The following UBAC2 variants were observed in gnomAD, a reference collection of about 807,000 sequenced individuals.
UBAC2 encodes the protein UBA domain containing 2.
A neutral mutation model predicts 44.0 loss-of-function variants in UBAC2; 26 were observed. That is an observed-to-expected ratio of 0.59 (90% CI 0.43 to 0.82). The LOEUF is 0.82. UBAC2 is among the 40% of genes least tolerant of loss of function. The pLI is 0.00. For synonymous variants in UBAC2, 155 were observed against 154.3 expected (o/e 1.00, Z -0.04); for missense variants, 329 against 419.4 (o/e 0.78, Z 1.88).
At chr13:99,383,660 A>G (rs958098154) in intron 8 of UBAC2, among the ~76,000 whole-genome samples, 6 of 152,270 alleles carry the variant, frequency 3.9e-5, no homozygotes, top group African/African-American at 1.4e-4. Context: ...GGTTGAAAGC[A>G]ACGTTCCGGG....
chr13:99,233,643 C>T lies in UBAC2; in HGVS notation c.32-4784C>T, dbSNP rs578095377. Among the ~76,000 whole-genome samples, 4 of 152,198 alleles carry T rather than the reference C, an allele frequency of 2.6e-5. No homozygotes were observed. In the South Asian group the frequency reaches 8.3e-4, roughly 32 times the overall value. ...GGAAAAAGAATGCAACTGATTGTGA[C>T]ACATTGACTAAGTAAAAATCCATGA... On this transcript the variant is annotated intron_variant, in intron 1 of 8. Transcript: ENST00000403766.
At chr13:99,240,590 C>A (rs2043287824) in intron 2 of UBAC2, among the ~76,000 whole-genome samples, 2 of 152,300 alleles carry the variant, frequency 1.3e-5, no homozygotes, top group Admixed American at 6.5e-5. Context: ...CAGTCATCAT[C>A]ATCGGACATT....
intron 1 of UBAC2, among the ~76,000 whole-genome samples, chr13:99,235,083 C>G (rs139537759): frequency 3.1e-4 from 47 of 152,226 alleles, no homozygotes; most frequent in Admixed American, 5.2e-4. Context: ...AGAGGTCACA[C>G]TAGTCTCTCC....
intron 4 of UBAC2, chr13:99,308,749 A>G (rs550276886): frequency 3.3e-5 from 5 of 152,378 alleles, no homozygotes; most frequent in African/African-American, 1.2e-4. Context: ...GACACAAGAA[A>G]GAGCATCAAG....
At chr13:99,364,457 T>C (rs569931688) in intron 7 of UBAC2, among the ~76,000 whole-genome samples, 155 of 151,766 alleles carry the variant, frequency 1.0e-3, no homozygotes, top group South Asian at 5.0e-3. Context: ...ATTAACTATA[T>C]ATTGTATAAT....
In UBAC2 at chr13:99,226,083, A is replaced by T. The variant is rs138864766; in HGVS notation, c.32-12344A>T. Among the ~76,000 whole-genome samples the T allele has an allele frequency of 4.5e-4, 69 of 152,294 alleles. 1 individual carries two copies. In the East Asian group the frequency reaches 0.01, roughly 23 times the overall value. On this transcript the variant is annotated intron_variant, in intron 1 of 8. Transcript: ENST00000403766. ...TGAAGGAGGCAGTATGTTGATTCACATTTGGCACAAACTCTGACCCCACTG... is the reference window on the plus strand; with the variant it reads ...TGAAGGAGGCAGTATGTTGATTCACTTTTGGCACAAACTCTGACCCCACTG...
rs568745524 is a variant in UBAC2 at position 99,238,443 on chromosome 13, G to T, written c.48G>T (p.Ser16=). Residue 16 remains serine (S), a synonymous_variant, in exon 2 of 9, where the codon TCG becomes TCT. Transcript: ENST00000403766. ...GSSGLYKAPL[S]KSLLLVPSAL... ...TCCCTCCAGACAAGGCGCCTCTGTCGAAGAGCCTTCTGCTGGTCCCCAGTG... is the reference window on the plus strand; with the variant it reads ...TCCCTCCAGACAAGGCGCCTCTGTCTAAGAGCCTTCTGCTGGTCCCCAGTG... The T allele has an allele frequency of 4.6e-5, 74 of 1,613,588 alleles. No individual in the cohort carries two copies. The South Asian group carries it at 7.2e-4, about 16-fold the overall frequency.
rs1169847512 is a variant in UBAC2, at chr13:99,295,699, T to C, written c.390-18398T>C. On this transcript the variant is annotated intron_variant, in intron 4 of 8. Transcript: ENST00000403766. The surrounding 1 kb of genome is among the most constrained non-coding windows in gnomAD (Gnocchi z 4.1). ...GAATCCAGACAAATATGCACACGCC[T>C]TTTGCATGTTCAATCCTTTTTATCT... 2 of 1,614,026 alleles carry C rather than the reference T, an allele frequency of 1.2e-6. No homozygotes were observed. Among genetic ancestry groups the C allele is most frequent in the African/African-American group, 2.7e-5 (2 of 74,900 alleles).
At chr13:99,304,868 T>C (rs892728771) in intron 4 of UBAC2, among the ~76,000 whole-genome samples, 28 of 152,302 alleles carry the variant, frequency 1.8e-4, no homozygotes, top group African/African-American at 6.3e-4. Flanking sequence ...TCTGCTATTA[T>C]GGGTAGAAAA....
At chr13:99,324,239 T>G (rs2044607392) in intron 6 of UBAC2, among the ~76,000 whole-genome samples, 1 of 152,240 alleles carries the variant, frequency 6.6e-6, no homozygotes, top group Non-Finnish European at 1.5e-5. Context: ...GTTCTGCCCC[T>G]CTCTACTGAA....
At chr13:99,265,926 T>C (rs1283117131) in intron 4 of UBAC2, among the ~76,000 whole-genome samples, 1 of 152,198 alleles carries the variant, frequency 6.6e-6, no homozygotes, top group Non-Finnish European at 1.5e-5. Flanking sequence ...AGTTGCAATT[T>C]ATTGAATGTA....
At chr13:99,219,194 C>CT (rs2043028746) in intron 1 of UBAC2, among the ~76,000 whole-genome samples, 3 of 152,096 alleles carry the variant, frequency 2.0e-5, no homozygotes, top group African/African-American at 7.2e-5. Context: ...ACATGCGTGA[C>CT]TTGTGGAGGC....
At chr13:99,267,027 C>T (rs1277605661) in intron 4 of UBAC2, among the ~76,000 whole-genome samples, 2 of 152,132 alleles carry the variant, frequency 1.3e-5, no homozygotes, top group Non-Finnish European at 2.9e-5. Flanking sequence ...CACACTCGCC[C>T]TTCCCTCCCC....
At chr13:99,313,956 A>G in intron 4 of UBAC2, 141 bp from the exon 5 acceptor site, 1 of 735,676 alleles carries the variant, frequency 1.4e-6, no homozygotes, top group South Asian at 2.4e-5. Flanking sequence ...GACATGAATC[A>G]TATTTGAAAA....
chr13:99,325,842 C>G (rs897744669), intron 6 of UBAC2, among the ~76,000 whole-genome samples: 1 of 152,186 alleles, frequency 6.6e-6, no homozygotes, highest in African/African-American at 2.4e-5. Flanking sequence ...CCTCATGTTT[C>G]ATCCATGTTG....
In UBAC2 at chr13:99,255,523, G is replaced by A. The variant is rs142984439; in HGVS notation, c.389+10899G>A. On this transcript the variant is annotated intron_variant, in intron 4 of 8. Transcript: ENST00000403766. ...CTGTACAATGGCCATGTATCTGTCA[G>A]CACTAATAAAGGCAAGAAGCCATAA... 4.3e-6 allele frequency: 7 copies of A among 1,614,010 alleles called. No homozygotes were observed. The African/African-American group carries it at 9.3e-5, about 22-fold the overall frequency.
chr13:99,283,394 C>A (rs1231232001), intron 4 of UBAC2, among the ~76,000 whole-genome samples: 1 of 152,150 alleles, frequency 6.6e-6, no homozygotes, highest in Admixed American at 6.5e-5. Context: ...TAACATTACG[C>A]ATTCCATTTG....
chr13:99,378,416 A>C (rs895247750), intron 8 of UBAC2, among the ~76,000 whole-genome samples: 1 of 152,190 alleles, frequency 6.6e-6, no homozygotes, highest in Non-Finnish European at 1.5e-5. Context: ...AGTCCCAGCT[A>C]CTTGGGAGGC....
intron 8 of UBAC2, among the ~76,000 whole-genome samples, chr13:99,376,586 G>A (rs934085136): frequency 6.6e-6 from 1 of 152,186 alleles, no homozygotes; most frequent in Non-Finnish European, 1.5e-5. Flanking sequence ...TTCCTGTTAC[G>A]GAAAGCAGGC....
Sources: allele counts gnomAD v4.1 joint callset (sites outside exome capture counted in the v4.1 genomes callset), GRCh38; gene constraint gnomAD v4.1.1; non-coding constraint Gnocchi (gnomAD v3.1); transcripts MANE v1.5; gene names NCBI Gene and HGNC (gene_info 2026-07-23, HGNC 2026-07-21).